Variants in TNFRSF10B observed in about 807,000 individuals in gnomAD.
TNFRSF10B encodes the protein TNF receptor superfamily member 10b.
Under a neutral mutation model 41.4 loss-of-function variants are expected in TNFRSF10B, and 35 were observed. The observed-to-expected ratio is 0.85, with a 90% CI of 0.65 to 1.12. The LOEUF is 1.12. Ranked by LOEUF, TNFRSF10B falls within the 50% of genes most tolerant of loss-of-function variation. The pLI is 0.00. For missense variants in TNFRSF10B, 584 were observed against 552.7 expected, an observed-to-expected ratio of 1.06 and a Z score of -0.57; for synonymous variants, 230 against 215.5, an observed-to-expected ratio of 1.07 and a Z score of -0.59.
chr8:23,060,375 G>GC (rs1217488652), intron 1 of TNFRSF10B, among the ~76,000 whole-genome samples: 1 of 152,118 alleles, frequency 6.6e-6, no homozygotes, highest in South Asian at 2.1e-4. Context: ...GGTTCTCCTA[G>GC]CCCCCTTCAT....
At position 23,042,937 on chromosome 8, in the gene TNFRSF10B, T is replaced by G. The variant is rs922845852; in HGVS notation, c.250+201A>C. 5.3e-6 allele frequency: 3 copies of G among 565,658 alleles called. No individual in the cohort carries two copies. In the African/African-American group the frequency reaches 5.6e-5, roughly 11 times the overall value. The allele number at this position is 565,658 out of a possible 1,614,324, so 35.0% of individuals were successfully genotyped here. A position where few individuals can be genotyped will look rare whatever the true frequency, so the allele number is the denominator to read the frequency against. ...ACTCAATTCTCTCTCAAGGTTCCTA[T>G]CAGTTTCTTTGGCTGTCTCATTCAT... On this transcript the variant is annotated intron_variant, in intron 2 of 8. Coordinates refer to ENST00000276431, the MANE Select transcript of TNFRSF10B (RefSeq NM_003842.5).
chr8:23,045,401 C>T lies in TNFRSF10B; in HGVS notation c.145-2158G>A, dbSNP rs186675732. Among the ~76,000 whole-genome samples the T allele has an allele frequency of 1.9e-3, 295 of 152,180 alleles. 4 individuals are homozygous for T. The South Asian group carries it at 0.024, about 12-fold the overall frequency. On this transcript the variant is annotated intron_variant, in intron 1 of 8. Coordinates refer to ENST00000276431, the MANE Select transcript of TNFRSF10B (RefSeq NM_003842.5). ...CTGAATCATGAAGAAATGGAAAATC[C>T]GAACAGACCAATAATGATTAAGGAT... is the stretch of plus-strand genomic sequence containing the variant.
rs184046195 is a variant in TNFRSF10B at position 23,043,724 on chromosome 8, C to T, written c.145-481G>A. On this transcript the variant is annotated intron_variant, in intron 1 of 8. Transcript: ENST00000276431. Reference sequence around the variant, plus strand: ...GGATCAAACATTAAATAGTGAACTTCTGATTTAAAAGGTGCCTGACATATA... The same window carrying T: ...GGATCAAACATTAAATAGTGAACTTTTGATTTAAAAGGTGCCTGACATATA... Among the ~76,000 whole-genome samples, 5 of 152,306 alleles carry T rather than the reference C, an allele frequency of 3.3e-5. No individual in the cohort carries two copies. In the East Asian group the frequency reaches 9.6e-4, roughly 29 times the overall value.
chr8:23,034,764 A>T (rs1177773775), intron 2 of TNFRSF10B, among the ~76,000 whole-genome samples: 1 of 152,238 alleles, frequency 6.6e-6, no homozygotes, highest in Non-Finnish European at 1.5e-5. Context: ...ACATTCCTGG[A>T]GGGATTGCAG....
At position 23,022,798 on chromosome 8, in the gene TNFRSF10B, A is replaced by T; in HGVS notation, c.1196T>A (p.Val399Asp). The T allele has an allele frequency of 6.2e-7, 1 of 1,613,922 alleles. No individual in the cohort carries two copies. Among genetic ancestry groups the T allele is most frequent in the Non-Finnish European group, 8.5e-7 (1 of 1,179,910 alleles). Reference sequence around the variant, plus strand: ...CTCCAAGGCATCCAGCAGGGTGTGGACAGAGGCATCTCGCCCGGTTTTGTT... The same window carrying T: ...CTCCAAGGCATCCAGCAGGGTGTGGTCAGAGGCATCTCGCCCGGTTTTGTT... ...WVNKTGRDASVHTLLDALETL... is the reference protein window; with the variant it reads ...WVNKTGRDASDHTLLDALETL... Residue 399 changes from valine to aspartate, a missense_variant, in exon 9 of 9, where the codon GTC (valine) becomes GAC (aspartate). By Grantham distance (152) the Val-to-Asp change is radical. Transcript: ENST00000276431.
At chr8:23,024,855 G>A (rs1295841044) in intron 7 of TNFRSF10B, among the ~76,000 whole-genome samples, 1 of 151,046 alleles carries the variant, frequency 6.6e-6, no homozygotes, top group African/African-American at 2.4e-5. Context: ...AAACCACATA[G>A]CAGAGGCCAG....
At chr8:23,025,610 G>A (rs1811678994) in intron 7 of TNFRSF10B, among the ~76,000 whole-genome samples, 1 of 152,158 alleles carries the variant, frequency 6.6e-6, no homozygotes, top group Admixed American at 6.5e-5. Flanking sequence ...ATGCATTTAT[G>A]TACCTAGATG....
chr8:23,027,641 G>C (rs1105945), intron 6 of TNFRSF10B, 81 bp downstream of exon 6: 1 of 1,597,336 alleles, frequency 6.3e-7, no homozygotes, highest in Non-Finnish European at 8.6e-7. Context: ...GGACAATGGG[G>C]ACCCACCCAC....
chr8:23,036,441 CAGA>C (rs1166002258), intron 2 of TNFRSF10B, among the ~76,000 whole-genome samples: 101 of 152,310 alleles, frequency 6.6e-4, no homozygotes, highest in African/African-American at 2.2e-3. Flanking sequence ...GGTCAGTTGC[CAGA>C]AGAAGGTTTA....
At chr8:23,041,736 G>A (rs1353861076) in intron 2 of TNFRSF10B, among the ~76,000 whole-genome samples, 1 of 152,078 alleles carries the variant, frequency 6.6e-6, no homozygotes, top group African/African-American at 2.4e-5. Flanking sequence ...CACATTTCGA[G>A]GAGTTTCCAC....
chr8:23,024,517 C>T (rs118149502), intron 7 of TNFRSF10B, among the ~76,000 whole-genome samples: 89 of 148,194 alleles, frequency 6.0e-4, no homozygotes, highest in Non-Finnish European at 1.1e-3. Context: ...GTGAATATGT[C>T]TTGATGATTT....
At chr8:23,063,145 T>C (rs1208549519) in intron 1 of TNFRSF10B, among the ~76,000 whole-genome samples, 2 of 152,100 alleles carry the variant, frequency 1.3e-5, no homozygotes, top group African/African-American at 4.8e-5. Flanking sequence ...GTCAGTAGTT[T>C]GAGACTGGCC....
At position 23,028,422 on chromosome 8, in the gene TNFRSF10B, T is replaced by C. The variant is rs141760693; in HGVS notation, c.657A>G (p.Thr219=). ...CSLSGIIIGV[T]VAAVVLIVAV... ...CCACAATCAAGACTACGGCTGCAAC[T>C]GTGACTCCTATGATGATGCCTGAGA... Residue 219 remains threonine (T), a synonymous_variant, in exon 5 of 9, where the codon ACA becomes ACG. Coordinates refer to ENST00000276431, the MANE Select transcript of TNFRSF10B (RefSeq NM_003842.5). 1.5e-3 allele frequency: 2,367 copies of C among 1,614,060 alleles called. 3 individuals carry two copies. The highest frequency in any genetic ancestry group is 1.8e-3 in the Non-Finnish European group (2,156 of 1,180,016).
At position 23,020,898 on chromosome 8, in the gene TNFRSF10B, G is replaced by C. The variant is rs1298226607; in HGVS notation, c.*1773C>G. The C allele has an allele frequency of 6.6e-6, 3 of 454,052 alleles. No individual in the cohort carries two copies. Among genetic ancestry groups the C allele is most frequent in the South Asian group, 4.7e-5 (3 of 64,472 alleles). 28.1% of individuals were successfully genotyped at this position (454,052 alleles called of 1,614,324 possible). A position where few individuals can be genotyped will look rare whatever the true frequency, so the allele number is the denominator to read the frequency against. ...GCACCCTGTGCCTTCCAGAAGTGCAGGGGACAACGCGTGGGATGCCAGATG... is the reference window on the plus strand; with the variant it reads ...GCACCCTGTGCCTTCCAGAAGTGCACGGGACAACGCGTGGGATGCCAGATG... On this transcript the variant is annotated 3_prime_UTR_variant, in exon 9 of 9. Coordinates refer to ENST00000276431, the MANE Select transcript of TNFRSF10B (RefSeq NM_003842.5).
intron 8 of TNFRSF10B, among the ~76,000 whole-genome samples, chr8:23,023,556 TTAAA>T (rs1184310021): frequency 2.0e-5 from 3 of 151,924 alleles, no homozygotes; most frequent in Admixed American, 6.6e-5. Context: ...CGATGAGGGA[TTAAA>T]TGAGACGTGT....
chr8:23,063,369 G>A (rs1812887947), intron 1 of TNFRSF10B, among the ~76,000 whole-genome samples: 1 of 150,216 alleles, frequency 6.7e-6, no homozygotes, highest in Non-Finnish European at 1.5e-5. Context: ...AAAAATCCAT[G>A]TTTCCATTTC....
At chr8:23,041,339 G>C (rs1269963445) in intron 2 of TNFRSF10B, among the ~76,000 whole-genome samples, 1 of 152,078 alleles carries the variant, frequency 6.6e-6, no homozygotes, top group South Asian at 2.1e-4. Context: ...TTACAGGTGT[G>C]AGTCACTGCG....
intron 8 of TNFRSF10B, 84 bp downstream of exon 8, chr8:23,024,104 G>C (rs886904170): frequency 2.6e-6 from 4 of 1,554,578 alleles, no homozygotes; most frequent in Non-Finnish European, 3.6e-6. Context: ...CTCTGGAAGA[G>C]CCCTCTGACC....
At chr8:23,050,476 G>A (rs1288986423) in intron 1 of TNFRSF10B, among the ~76,000 whole-genome samples, 1 of 152,132 alleles carries the variant, frequency 6.6e-6, no homozygotes, top group Non-Finnish European at 1.5e-5. Flanking sequence ...GTGTGCGCAC[G>A]GGGGCGTGAA....
Sources: allele counts gnomAD v4.1 joint callset (sites outside exome capture counted in the v4.1 genomes callset), GRCh38; gene constraint gnomAD v4.1.1; transcripts MANE v1.5; gene names NCBI Gene and HGNC (gene_info 2026-07-23, HGNC 2026-07-21).